NCKAP5: variants seen among roughly 807,000 people sequenced by gnomAD.
NCKAP5 encodes the protein NCK associated protein 5, also known as nck-associated protein 5.
Under a neutral mutation model 167.0 loss-of-function variants are expected in NCKAP5, and 92 were observed. The ratio of observed to expected loss-of-function variants is 0.55; its 90% CI spans 0.47 to 0.66. The LOEUF (loss-of-function observed/expected upper bound fraction) is 0.66, where lower values mean the gene tolerates loss of function less well. NCKAP5 is among the 30% of genes least tolerant of loss of function. The probability of loss-of-function intolerance (pLI) is 0.00; values close to 1 mark genes in which losing one functional copy is unlikely to be tolerated. For missense variants in NCKAP5, 2,378 were observed against 2,315.0 expected (o/e 1.03, Z -0.56); for synonymous variants, 891 against 877.4 (o/e 1.02, Z -0.27).
At chr2:132,814,611 C>T (rs1167684680) in intron 11 of NCKAP5, among the ~76,000 whole-genome samples, 1 of 152,078 alleles carries the variant, frequency 6.6e-6, no homozygotes, top group Non-Finnish European at 1.5e-5. Context: ...GTTTCTGTTT[C>T]AGGCATATTA....
At chr2:133,272,155 G>A (rs761408261) in intron 4 of NCKAP5, among the ~76,000 whole-genome samples, 27 of 151,696 alleles carry the variant, frequency 1.8e-4, no homozygotes, top group Admixed American at 3.9e-4. Flanking sequence ...TATGTAGAAG[G>A]AGATTAATAA....
At position 132,818,845 on chromosome 2, in the gene NCKAP5, C is replaced by T. The variant is rs555241482; in HGVS notation, c.808-22116G>A. ...CCAACAGAAATTACAGACATTTTAT[C>T]ATATTATAGCTGTTGAAAATATCTC... is the stretch of plus-strand genomic sequence containing the variant. On this transcript the variant is annotated intron_variant, in intron 11 of 19. Transcript: ENST00000409261. Among the ~76,000 whole-genome samples, 213 of 152,280 alleles carry T rather than the reference C, an allele frequency of 1.4e-3. 1 individual carries two copies. The highest frequency in any genetic ancestry group is 4.9e-3 in the African/African-American group (202 of 41,550).
At chr2:133,335,668 A>G (rs1683163880) in intron 3 of NCKAP5, among the ~76,000 whole-genome samples, 1 of 152,188 alleles carries the variant, frequency 6.6e-6, no homozygotes, top group Non-Finnish European at 1.5e-5. Flanking sequence ...TGCATATTCT[A>G]TGTTGCCATT....
At chr2:133,650,693 G>A in the NCKAP5 span, among the ~76,000 whole-genome samples, 1 of 151,854 alleles carries the variant, frequency 6.6e-6, no homozygotes. Flanking sequence ...TGGCCAACAT[G>A]GCAAAACCCC....
intron 16 of NCKAP5, among the ~76,000 whole-genome samples, chr2:132,747,237 G>T (rs771390497): frequency 2.7e-5 from 4 of 150,810 alleles, no homozygotes; most frequent in Non-Finnish European, 5.9e-5. Flanking sequence ...GTTGAACACA[G>T]ATGAGCAAAG....
At chr2:133,068,079 G>C (rs1573930228) in intron 6 of NCKAP5, among the ~76,000 whole-genome samples, 1 of 152,144 alleles carries the variant, frequency 6.6e-6, no homozygotes, top group East Asian at 1.9e-4. Context: ...TCCCAGCAGA[G>C]AAAGGCAAGG....
intron 6 of NCKAP5, among the ~76,000 whole-genome samples, chr2:133,116,068 G>T: frequency 6.6e-6 from 1 of 151,502 alleles, no homozygotes; most frequent in Non-Finnish European, 1.5e-5. Flanking sequence ...ATTGTTAAGG[G>T]TTCATTAATC....
chr2:133,123,656 C>G (rs2082316489), intron 6 of NCKAP5: 1 of 399,142 alleles, frequency 2.5e-6, no homozygotes, highest in Non-Finnish European at 5.3e-6. Flanking sequence ...GCAAGGCACT[C>G]AGGAGAGCCA....
chr2:133,029,410 A>G (rs185640404), intron 6 of NCKAP5, among the ~76,000 whole-genome samples: 27 of 152,326 alleles, frequency 1.8e-4, no homozygotes, highest in African/African-American at 6.5e-4. Flanking sequence ...AAACCTTGAT[A>G]GAGGCAAAAT....
At chr2:133,132,930 C>A (rs1449466945) in intron 5 of NCKAP5, among the ~76,000 whole-genome samples, 2 of 152,152 alleles carry the variant, frequency 1.3e-5, no homozygotes, top group Admixed American at 6.5e-5. Context: ...CCCGCCTCAG[C>A]CTCCCAAAGT....
Position 133,163,578 on chromosome 2 carries a change from G to A in NCKAP5, c.208-33467C>T, listed in dbSNP as rs185699736. On this transcript the variant is annotated intron_variant, in intron 5 of 19. Transcript: ENST00000409261. ...AAAATTTCAGAATAAAAACCTTTTG[G>A]TATTGGAACTCAAAAATGCGTAACT... Among the ~76,000 whole-genome samples the A allele has an allele frequency of 2.8e-4, 43 of 152,210 alleles. 1 individual carries two copies. Among genetic ancestry groups the A allele is most frequent in the Admixed American group, 6.5e-4 (10 of 15,290 alleles).
intron 1 of NCKAP5, among the ~76,000 whole-genome samples, chr2:133,562,793 C>T (rs945618799): frequency 1.2e-4 from 18 of 152,292 alleles, no homozygotes; most frequent in South Asian, 8.3e-4. Context: ...TATGTAACTA[C>T]GGGGAAGTAC....
At chr2:132,893,193 CAT>C (rs1300667401) in intron 8 of NCKAP5, among the ~76,000 whole-genome samples, 1 of 152,176 alleles carries the variant, frequency 6.6e-6, no homozygotes, top group Admixed American at 6.5e-5. Flanking sequence ...CAGGCACACT[CAT>C]GTGCCACTGG....
At chr2:133,553,448 AACC>A (rs1687517484) in intron 2 of NCKAP5, among the ~76,000 whole-genome samples, 1 of 152,230 alleles carries the variant, frequency 6.6e-6, no homozygotes, top group Non-Finnish European at 1.5e-5. Context: ...CAAACTTGGG[AACC>A]ACAACTGCAG....
At chr2:132,695,069 C>A (rs1479043121) in intron 19 of NCKAP5, among the ~76,000 whole-genome samples, 1 of 152,142 alleles carries the variant, frequency 6.6e-6, no homozygotes, top group Non-Finnish European at 1.5e-5. Context: ...TCTCTGGGGC[C>A]TCTTTCATAA....
At position 133,221,190 on chromosome 2, in the gene NCKAP5, G is replaced by T. The variant is rs78110527; in HGVS notation, c.144-7411C>A. Among the ~76,000 whole-genome samples the T allele has an allele frequency of 3.0e-3, 459 of 152,204 alleles. 1 individual carries two copies. Among genetic ancestry groups the T allele is most frequent in the South Asian group, 5.0e-3 (24 of 4,820 alleles). On this transcript the variant is annotated intron_variant, in intron 4 of 19. Coordinates refer to ENST00000409261, the MANE Select transcript of NCKAP5 (RefSeq NM_207363.3). Reference sequence around the variant, plus strand: ...ATAACAAATAAACATGCTTACATATGAATTTAAAAAGGAAAAATTTTCTTG... The same window carrying T: ...ATAACAAATAAACATGCTTACATATTAATTTAAAAAGGAAAAATTTTCTTG...
At chr2:133,083,723 C>T (rs140110116) in intron 6 of NCKAP5, among the ~76,000 whole-genome samples, 1 of 152,268 alleles carries the variant, frequency 6.6e-6, no homozygotes, top group Non-Finnish European at 1.5e-5. Flanking sequence ...ACTGTTCATT[C>T]ATTCACTCGT....
chr2:132,725,592 G>T (rs754665733), intron 19 of NCKAP5, 35 bp downstream of exon 19: 2 of 1,586,544 alleles, frequency 1.3e-6, no homozygotes, highest in Non-Finnish European at 1.7e-6. Flanking sequence ...CCAGAGAGAG[G>T]AACCTGCAGG....
intron 17 of NCKAP5, among the ~76,000 whole-genome samples, chr2:132,729,275 A>G (rs1056747534): frequency 8.5e-5 from 13 of 152,244 alleles, no homozygotes; most frequent in Non-Finnish European, 1.5e-4. Context: ...TATTCTTCAA[A>G]TAATGTTATT....
Sources: gnomAD v4.1 joint callset for allele counts (sites outside exome capture counted in the v4.1 genomes callset) on GRCh38, gnomAD v4.1.1 for gene constraint, MANE v1.5 for transcripts, NCBI Gene and HGNC (gene_info 2026-07-23, HGNC 2026-07-21) for gene names.